Variants in NEDD1 observed in about 807,000 individuals in gnomAD.
NEDD1 encodes NEDD1 gamma-tubulin ring complex targeting factor.
Under a neutral mutation model 74.0 loss-of-function variants are expected in NEDD1, and 33 were observed. That is an observed-to-expected ratio of 0.45 (90% CI 0.34 to 0.60). The LOEUF is 0.60. Ranked by LOEUF, NEDD1 falls within the 20% of genes least tolerant of loss-of-function variation. NEDD1 has a pLI of 0.01. For missense variants in NEDD1, 746 were observed against 776.5 expected, an observed-to-expected ratio of 0.96 and a Z score of 0.47; for synonymous variants, 250 against 264.4, an observed-to-expected ratio of 0.95 and a Z score of 0.53.
intron 3 of NEDD1, among the ~76,000 whole-genome samples, chr12:96,911,520 A>T (rs1462718207): frequency 1.3e-5 from 2 of 152,224 alleles, no homozygotes; most frequent in East Asian, 3.9e-4. Flanking sequence ...CTTGGGGTCC[A>T]CATAGTATAG....
chr12:96,920,192 T>C, intron 6 of NEDD1, 67 bp downstream of exon 6: 3 of 988,446 alleles, frequency 3.0e-6, no homozygotes, highest in Non-Finnish European at 4.2e-6. Context: ...TACATAAGAC[T>C]GTGAATTTAA....
chr12:96,948,952 A>G (rs968507089), intron 14 of NEDD1, among the ~76,000 whole-genome samples: 2 of 152,070 alleles, frequency 1.3e-5, no homozygotes, highest in African/African-American at 4.8e-5. Flanking sequence ...CATTGCTTAG[A>G]AGTCAACAGA....
chr12:96,941,365 A>G (rs1462415585), intron 10 of NEDD1, among the ~76,000 whole-genome samples: 3 of 152,148 alleles, frequency 2.0e-5, no homozygotes, highest in African/African-American at 7.2e-5. Context: ...CTACAATTTT[A>G]TAGTCAGAAG....
chr12:96,951,047 TAATGACAATTTCTATATAAAGG>T, intron 14 of NEDD1, among the ~76,000 whole-genome samples: 1 of 151,876 alleles, frequency 6.6e-6, no homozygotes, highest in East Asian at 1.9e-4. Flanking sequence ...GTTTGTGTCT[TAATGACAATTTCTATATAAAGG>T]AATATAGTAT....
At chr12:96,915,594 T>C (rs561748988) in intron 4 of NEDD1, among the ~76,000 whole-genome samples, 1 of 152,350 alleles carries the variant, frequency 6.6e-6, no homozygotes, top group South Asian at 2.1e-4. Context: ...CTCCTTTGAA[T>C]TTGAAGAATC....
chr12:96,943,513 C>A, intron 11 of NEDD1, 47 bp from the exon 12 acceptor site: 1 of 1,336,180 alleles, frequency 7.5e-7, no homozygotes, highest in Non-Finnish European at 1.1e-6. Context: ...CTTCAATGTC[C>A]AAAATTGGAG....
chr12:96,916,553 A>G (rs1335682531), intron 4 of NEDD1, among the ~76,000 whole-genome samples: 4 of 143,478 alleles, frequency 2.8e-5, no homozygotes, highest in East Asian at 2.0e-4. Flanking sequence ...ATGGTTTCCA[A>G]TTTCATCCAT....
At chr12:96,917,245 G>A (rs974458066) in intron 4 of NEDD1, among the ~76,000 whole-genome samples, 8 of 152,130 alleles carry the variant, frequency 5.3e-5, no homozygotes, top group African/African-American at 1.9e-4. Flanking sequence ...TTTTGAGCTG[G>A]GGATTGATTT....
At chr12:96,931,647 C>T (rs949633689) in intron 6 of NEDD1, among the ~76,000 whole-genome samples, 19 of 151,952 alleles carry the variant, frequency 1.3e-4, no homozygotes, top group African/African-American at 4.1e-4. Context: ...AGAAGTAACC[C>T]AAATGTCTAA....
intron 14 of NEDD1, among the ~76,000 whole-genome samples, chr12:96,946,275 A>G (rs1009213872): frequency 6.7e-6 from 1 of 148,868 alleles, no homozygotes; most frequent in Non-Finnish European, 1.5e-5. Context: ...AGAATGTAAT[A>G]CTTAATCTAA....
chr12:96,939,592 A>C (rs976811191), intron 9 of NEDD1, among the ~76,000 whole-genome samples: 2 of 152,056 alleles, frequency 1.3e-5, no homozygotes, highest in Non-Finnish European at 2.9e-5. Flanking sequence ...AATGTAATAC[A>C]GTAATGTGCT....
At chr12:96,915,546 T>C (rs1874346299) in intron 4 of NEDD1, among the ~76,000 whole-genome samples, 1 of 152,224 alleles carries the variant, frequency 6.6e-6, no homozygotes, top group Non-Finnish European at 1.5e-5. Context: ...TAAACCTACA[T>C]AGCTTGCCTT....
At chr12:96,927,577 G>A (rs1875852506) in intron 6 of NEDD1, among the ~76,000 whole-genome samples, 4 of 152,174 alleles carry the variant, frequency 2.6e-5, no homozygotes, top group South Asian at 2.1e-4. Context: ...CTATTGTATT[G>A]ATTCCTTAGA....
chr12:96,938,138 T>A (rs1406025725), intron 9 of NEDD1, among the ~76,000 whole-genome samples: 2 of 152,118 alleles, frequency 1.3e-5, no homozygotes, highest in African/African-American at 4.8e-5. Context: ...TGTTTTTTTT[T>A]AGCATGATTT....
chr12:96,908,370 C>T (rs538570848), intron 2 of NEDD1, among the ~76,000 whole-genome samples: 6 of 152,188 alleles, frequency 3.9e-5, no homozygotes, highest in Admixed American at 1.3e-4. Context: ...GGGGACCTGC[C>T]TGTGACATCA....
chr12:96,915,161 A>G (rs1256514903), intron 4 of NEDD1, among the ~76,000 whole-genome samples: 1 of 152,172 alleles, frequency 6.6e-6, no homozygotes, highest in Non-Finnish European at 1.5e-5. Flanking sequence ...GCATCTTGCT[A>G]TTTTTATATG....
At chr12:96,936,152 G>A (rs550155745) in intron 7 of NEDD1, among the ~76,000 whole-genome samples, 5 of 152,278 alleles carry the variant, frequency 3.3e-5, no homozygotes, top group African/African-American at 1.2e-4. Flanking sequence ...TTTTGGCCAA[G>A]ACTGTACAAC....
rs749505850 is a variant in NEDD1, at chr12:96,936,708, T to C, written c.817T>C (p.Tyr273His). ...TATTGGATCTTCCCGGGGGAAAATA[T>C]ATCAATATGATTTAAGAATGTTGAA... ...LAIGSSRGKI[Y>H]QYDLRMLKSP... is the part of the protein sequence containing the mutation. The change falls in exon 8 of 16, where the codon TAT becomes CAT. Residue 273 changes from tyrosine to histidine, a missense_variant. Physicochemically the swap from Tyr to His is moderately conservative, Grantham distance 83. Around this residue, in one of 3 missense-constraint regions of NEDD1, gnomAD observed 706 missense variants for 706.7 expected, o/e 1.00. Coordinates refer to ENST00000266742, the MANE Select transcript of NEDD1 (RefSeq NM_152905.4). 3 of 1,613,060 alleles carry C rather than the reference T, an allele frequency of 1.9e-6. No individual in the cohort carries two copies. Among genetic ancestry groups the C allele is most frequent in the Admixed American group, 1.7e-5 (1 of 60,000 alleles).
At chr12:96,932,458 A>AC in intron 6 of NEDD1, among the ~76,000 whole-genome samples, 2 of 51,714 alleles carry the variant, frequency 3.9e-5, no homozygotes, top group South Asian at 1.4e-3. Context: ...AAAAAAAAAA[A>AC]AAAAAATATA....
Sources: allele counts gnomAD v4.1 joint callset (sites outside exome capture counted in the v4.1 genomes callset), GRCh38; gene constraint gnomAD v4.1.1; regional missense constraint gnomAD v4.1.1; transcripts MANE v1.5; gene names NCBI Gene and HGNC (gene_info 2026-07-23, HGNC 2026-07-21).